Variants in COLEC12 observed in about 807,000 individuals in gnomAD.
The protein encoded by COLEC12 is collectin subfamily member 12.
In COLEC12, 33 loss-of-function variants were observed where a neutral mutation model predicts 71.1. The observed-to-expected ratio is 0.46, with a 90% CI of 0.35 to 0.62. COLEC12 has a LOEUF of 0.62. Among genes scored for constraint, COLEC12 ranks in the 20% least tolerant of loss-of-function variants. The pLI, the probability that COLEC12 is intolerant of heterozygous loss-of-function variation, is 0.00. For missense variants in COLEC12, 765 were observed against 916.1 expected (o/e 0.84, Z 2.13); for synonymous variants, 350 against 353.0 (o/e 0.99, Z 0.10).
intron 2 of COLEC12, among the ~76,000 whole-genome samples, chr18:414,737 T>G (rs2143642259): frequency 6.6e-6 from 1 of 152,290 alleles, no homozygotes; most frequent in South Asian, 2.1e-4. Flanking sequence ...GGCCCAGAGA[T>G]GAAGTGACTT....
chr18:456,319 C>T (rs567015779), intron 2 of COLEC12, among the ~76,000 whole-genome samples: 2 of 152,180 alleles, frequency 1.3e-5, no homozygotes, highest in Non-Finnish European at 2.9e-5. Context: ...AACCTTCATA[C>T]AAAACACAAA....
chr18:410,994 A>G (rs1259682010), intron 2 of COLEC12, among the ~76,000 whole-genome samples: 2 of 152,170 alleles, frequency 1.3e-5, no homozygotes. Flanking sequence ...GAGAATGCTT[A>G]GTAGAGTGAC....
At chr18:393,039 T>C (rs1307827986) in intron 2 of COLEC12, among the ~76,000 whole-genome samples, 1 of 152,168 alleles carries the variant, frequency 6.6e-6, no homozygotes, top group Non-Finnish European at 1.5e-5. Context: ...ATGAAGAACA[T>C]CCATTCCTCT....
In COLEC12 at chr18:434,363, T is replaced by C. The variant is rs548546077; in HGVS notation, c.58+46344A>G. The stretch of plus-strand genomic sequence containing the variant: ...TAAAATTGCAGGTATTTTTCAAAAA[T>C]ACAAAGTAATAATGACTGATAACAA... On this transcript the variant is annotated intron_variant, in intron 2 of 9. Coordinates refer to ENST00000400256, the MANE Select transcript of COLEC12 (RefSeq NM_130386.3). Among the ~76,000 whole-genome samples the C allele has an allele frequency of 2.6e-4, 39 of 152,312 alleles. No homozygotes were observed. The South Asian group carries it at 7.9e-3, about 31-fold the overall frequency.
intron 1 of COLEC12, among the ~76,000 whole-genome samples, chr18:490,266 G>A (rs1005160827): frequency 5.9e-5 from 9 of 152,222 alleles, no homozygotes; most frequent in African/African-American, 2.2e-4. Flanking sequence ...GCCACCCCCA[G>A]TAATTCTCCA....
chr18:325,627 CTTTTTTTTTTTTTTTTT>C (rs760407917), intron 8 of COLEC12, among the ~76,000 whole-genome samples: 4 of 51,834 alleles, frequency 7.7e-5, no homozygotes, highest in Non-Finnish European at 1.3e-4. Context: ...AAGGATCAGC[CTTTTTTTTTTTTTTTTT>C]TTTTTTTTTT....
At chr18:373,250 A>G (rs898516268) in intron 2 of COLEC12, among the ~76,000 whole-genome samples, 9 of 152,164 alleles carry the variant, frequency 5.9e-5, no homozygotes, top group African/African-American at 1.9e-4. Context: ...ATCCTATTTG[A>G]TCACGTCTCT....
At chr18:391,815 T>TCTG (rs1915469477) in intron 2 of COLEC12, among the ~76,000 whole-genome samples, 1 of 152,352 alleles carries the variant, frequency 6.6e-6, no homozygotes, top group South Asian at 2.1e-4. Context: ...AGGCAATCTT[T>TCTG]AAAACCTAGA....
At chr18:479,526 ACTCT>A (rs541393393) in intron 2 of COLEC12, among the ~76,000 whole-genome samples, 78 of 144,088 alleles carry the variant, frequency 5.4e-4, no homozygotes, top group Middle Eastern at 3.5e-3. Context: ...TCATTTTCAT[ACTCT>A]CTCTCTCTCT....
Position 348,055 on chromosome 18 carries a change from C to A in COLEC12, c.280+10G>T, listed in dbSNP as rs375950685. On this transcript the variant is annotated intron_variant, in intron 4 of 9. Coordinates refer to ENST00000400256, the MANE Select transcript of COLEC12 (RefSeq NM_130386.3). Reference sequence around the variant, plus strand: ...AGGGGATTTCATGGTTTAGTCTTGTCACAGATTACCTAATTTTTTCAGGTC... The same window carrying A: ...AGGGGATTTCATGGTTTAGTCTTGTAACAGATTACCTAATTTTTTCAGGTC... The A allele has an allele frequency of 6.3e-7, 1 of 1,591,932 alleles. No individual in the cohort carries two copies. Among genetic ancestry groups the A allele is most frequent in the African/African-American group, 1.4e-5 (1 of 73,992 alleles).
At chr18:325,374 C>T (rs1598325336) in intron 8 of COLEC12, among the ~76,000 whole-genome samples, 1 of 152,188 alleles carries the variant, frequency 6.6e-6, no homozygotes, top group African/African-American at 2.4e-5. Flanking sequence ...AGAAGAGCTT[C>T]TAGTGCGTTT....
intron 1 of COLEC12, among the ~76,000 whole-genome samples, chr18:489,965 C>T (rs1426776493): frequency 6.6e-6 from 1 of 152,240 alleles, no homozygotes; most frequent in African/African-American, 2.4e-5. Flanking sequence ...TCATAAAGGA[C>T]CACCAGCAAT....
At chr18:368,561 G>C (rs886100133) in intron 2 of COLEC12, among the ~76,000 whole-genome samples, 1 of 151,734 alleles carries the variant, frequency 6.6e-6, no homozygotes, top group African/African-American at 2.4e-5. Context: ...GTGATAGACA[G>C]AGACTGTCAA....
chr18:445,475 C>T lies in COLEC12; in HGVS notation c.58+35232G>A, dbSNP rs375209486. Among the ~76,000 whole-genome samples the T allele has an allele frequency of 1.2e-4, 18 of 152,132 alleles. No individual in the cohort carries two copies. The East Asian group carries it at 2.3e-3, about 20-fold the overall frequency. The stretch of plus-strand genomic sequence containing the variant: ...GTTTATCAAGGTATAATCCCCACAC[C>T]GTACAATATGCCCATTTAAAGTATA... On this transcript the variant is annotated intron_variant, in intron 2 of 9. Transcript: ENST00000400256.
intron 8 of COLEC12, among the ~76,000 whole-genome samples, chr18:322,740 C>A (rs535634151): frequency 6.6e-6 from 1 of 152,110 alleles, no homozygotes; most frequent in African/African-American, 2.4e-5. Context: ...TAAACAATGA[C>A]TCATTACCGC....
intron 2 of COLEC12, among the ~76,000 whole-genome samples, chr18:425,522 G>C (rs1476286667): frequency 1.3e-5 from 2 of 152,132 alleles, no homozygotes; most frequent in Non-Finnish European, 2.9e-5. Flanking sequence ...GTCCCCCCAG[G>C]CTGATGAAAT....
Position 375,197 on chromosome 18 carries a change from G to A in COLEC12, c.59-17675C>T, listed in dbSNP as rs538980320. On this transcript the variant is annotated intron_variant, in intron 2 of 9. Coordinates refer to ENST00000400256, the MANE Select transcript of COLEC12 (RefSeq NM_130386.3). ...CTCCTCTCCTGAGAGAAAGAGCTGA[G>A]GTTCATGAGGCCCTACACTGTCTGC... Among the ~76,000 whole-genome samples, 24 of 152,312 alleles carry A rather than the reference G, an allele frequency of 1.6e-4. No homozygotes were observed. In the South Asian group the frequency reaches 5.0e-3, roughly 32 times the overall value.
At chr18:460,413 C>G (rs959500233) in intron 2 of COLEC12, among the ~76,000 whole-genome samples, 3 of 152,174 alleles carry the variant, frequency 2.0e-5, no homozygotes. Context: ...GAGTAGAATG[C>G]AGGAATTTAT....
chr18:482,598 G>A (rs1917443728), intron 1 of COLEC12, among the ~76,000 whole-genome samples: 1 of 151,974 alleles, frequency 6.6e-6, no homozygotes, highest in African/African-American at 2.4e-5. Flanking sequence ...AGTAAGTCAT[G>A]GTCCTTTATC....
Sources: gnomAD v4.1 joint callset for allele counts (sites outside exome capture counted in the v4.1 genomes callset) on GRCh38, gnomAD v4.1.1 for gene constraint, MANE v1.5 for transcripts, NCBI Gene and HGNC (gene_info 2026-07-23, HGNC 2026-07-21) for gene names.